PELI2: variants seen among roughly 807,000 people sequenced by gnomAD.
PELI2 encodes pellino E3 ubiquitin protein ligase family member 2.
A neutral mutation model predicts 42.3 loss-of-function variants in PELI2; 23 were observed. The observed-to-expected ratio is 0.54, with a 90% CI of 0.39 to 0.77. The LOEUF (loss-of-function observed/expected upper bound fraction) is 0.77. Among genes scored for constraint, PELI2 ranks in the 30% least tolerant of loss-of-function variants. PELI2 has a pLI of 0.00. For missense variants in PELI2, 463 were observed against 553.2 expected (o/e 0.84, Z 1.64); for synonymous variants, 245 against 212.2 (o/e 1.15, Z -1.34).
At chr14:56,270,118 C>A (rs1448284323) in intron 2 of PELI2, among the ~76,000 whole-genome samples, 3 of 152,174 alleles carry the variant, frequency 2.0e-5, no homozygotes, top group Non-Finnish European at 4.4e-5. Context: ...CAGGGTTTAT[C>A]GAATAGCTCA....
chr14:56,174,548 G>A (rs7156308), intron 1 of PELI2, among the ~76,000 whole-genome samples: 3,280 of 152,256 alleles, frequency 0.022, 107 homozygotes, highest in African/African-American at 0.074. Context: ...CGATTGGATG[G>A]CGGGGTGGGG....
In PELI2 at chr14:56,153,315, C is replaced by T. The variant is rs1025575486; in HGVS notation, c.78-25020C>T. ...ATGATTTTGGCAGTATGAGAGATCCCGATCTATCTCTGAGTTGCCTGTGGT... is the reference window on the plus strand; with the variant it reads ...ATGATTTTGGCAGTATGAGAGATCCTGATCTATCTCTGAGTTGCCTGTGGT... On this transcript the variant is annotated intron_variant, in intron 1 of 5. Coordinates refer to ENST00000267460, the MANE Select transcript of PELI2 (RefSeq NM_021255.3). Among the ~76,000 whole-genome samples, 21 of 152,150 alleles carry T rather than the reference C, an allele frequency of 1.4e-4. No homozygotes were observed. In the Middle Eastern group the frequency reaches 0.01, roughly 74 times the overall value.
chr14:56,142,004 C>T (rs1175294409), intron 1 of PELI2, among the ~76,000 whole-genome samples: 1 of 152,106 alleles, frequency 6.6e-6, no homozygotes, highest in Non-Finnish European at 1.5e-5. Context: ...TCTTTTCCAG[C>T]TCTAGAGAGT....
intron 2 of PELI2, among the ~76,000 whole-genome samples, chr14:56,231,340 C>G (rs1473037174): frequency 1.3e-5 from 2 of 152,148 alleles, no homozygotes; most frequent in African/African-American, 4.8e-5. Context: ...TATTCCAAAA[C>G]TGACCACATA....
At chr14:56,160,341 A>G (rs1279658109) in intron 1 of PELI2, among the ~76,000 whole-genome samples, 1 of 152,166 alleles carries the variant, frequency 6.6e-6, no homozygotes, top group Non-Finnish European at 1.5e-5. Flanking sequence ...GATATGTGCA[A>G]AGTCACATTT....
At chr14:56,178,084 T>C (rs568580458) in intron 1 of PELI2, among the ~76,000 whole-genome samples, 3 of 152,242 alleles carry the variant, frequency 2.0e-5, no homozygotes, top group Non-Finnish European at 4.4e-5. Context: ...CCAAAAAGAT[T>C]TGAAGACTCT....
At chr14:56,130,894 T>TG (rs1439782154) in intron 1 of PELI2, among the ~76,000 whole-genome samples, 1 of 152,214 alleles carries the variant, frequency 6.6e-6, no homozygotes, top group Non-Finnish European at 1.5e-5. Context: ...CATGTACCCT[T>TG]GAAATCTTTC....
At chr14:56,291,855 TAGC>T (rs1187339710) in intron 5 of PELI2, among the ~76,000 whole-genome samples, 1 of 152,224 alleles carries the variant, frequency 6.6e-6, no homozygotes, top group Non-Finnish European at 1.5e-5. Flanking sequence ...GTCACAGAGT[TAGC>T]AGGTGGCAGC....
intron 1 of PELI2, among the ~76,000 whole-genome samples, chr14:56,144,421 A>G (rs976873661): frequency 1.3e-5 from 2 of 152,240 alleles, no homozygotes; most frequent in Non-Finnish European, 2.9e-5. Context: ...CAGGGAAGCC[A>G]GAGTTCTGCT....
chr14:56,207,670 T>A, intron 2 of PELI2, among the ~76,000 whole-genome samples: 1 of 152,204 alleles, frequency 6.6e-6, no homozygotes. Context: ...AAAAGAGGGC[T>A]GGTAAGGGTT....
intron 1 of PELI2, among the ~76,000 whole-genome samples, chr14:56,141,676 A>T (rs553530990): frequency 1.3e-5 from 2 of 152,230 alleles, no homozygotes; most frequent in South Asian, 4.1e-4. Flanking sequence ...AGCAGGGAAA[A>T]TGCCAGATGC....
intron 2 of PELI2, among the ~76,000 whole-genome samples, chr14:56,227,567 T>C (rs566507642): frequency 8.5e-5 from 13 of 152,290 alleles, no homozygotes; most frequent in African/African-American, 3.1e-4. Context: ...GACATAGAAA[T>C]AAGTATAGAT....
chr14:56,254,227 C>T (rs570050233), intron 2 of PELI2, among the ~76,000 whole-genome samples: 10 of 152,190 alleles, frequency 6.6e-5, no homozygotes, highest in South Asian at 4.1e-4. Flanking sequence ...GGTGAAACCC[C>T]GTCTCTACCA....
intron 2 of PELI2, among the ~76,000 whole-genome samples, chr14:56,233,447 A>G (rs1887661176): frequency 6.6e-6 from 1 of 152,144 alleles, no homozygotes; most frequent in Non-Finnish European, 1.5e-5. Flanking sequence ...CAGAAGTAAT[A>G]CCACACATCT....
chr14:56,167,714 G>A (rs1885014194), intron 1 of PELI2, among the ~76,000 whole-genome samples: 1 of 152,144 alleles, frequency 6.6e-6, no homozygotes, highest in Non-Finnish European at 1.5e-5. Context: ...TGTTTTCCTG[G>A]ATCGTGTTGA....
Position 56,118,504 on chromosome 14 carries a change from G to A in PELI2, c.-157G>A, listed in dbSNP as rs1478761586. On this transcript the variant is annotated 5_prime_UTR_variant, in exon 1 of 6. Coordinates refer to ENST00000267460, the MANE Select transcript of PELI2 (RefSeq NM_021255.3). ...GCCGCGCAGCCACGACGGAGCAGCA[G>A]CGGGACTGGCCGCCCCGCGCCCCCT... 1 of 385,738 alleles carries A rather than the reference G, an allele frequency of 2.6e-6. No homozygotes were observed. The allele number at this position is 385,738 out of a possible 1,614,324, so 23.9% of individuals were successfully genotyped here.
At chr14:56,194,622 C>G (rs1306805581) in intron 2 of PELI2, among the ~76,000 whole-genome samples, 2 of 152,094 alleles carry the variant, frequency 1.3e-5, no homozygotes, top group African/African-American at 2.4e-5. Flanking sequence ...AATGTGGAAC[C>G]CTCTCTCCAT....
At chr14:56,150,817 A>G (rs938343438) in intron 1 of PELI2, among the ~76,000 whole-genome samples, 8 of 152,158 alleles carry the variant, frequency 5.3e-5, no homozygotes, top group Non-Finnish European at 1.2e-4. Flanking sequence ...TGCTCCATCC[A>G]CTTGGGACAG....
At chr14:56,212,527 C>A (rs183799762) in intron 2 of PELI2, among the ~76,000 whole-genome samples, 108 of 152,262 alleles carry the variant, frequency 7.1e-4, no homozygotes, top group African/African-American at 2.6e-3. Flanking sequence ...TGGCCCAGCT[C>A]CTGCAGTGGA....
Sources: allele counts gnomAD v4.1 joint callset (sites outside exome capture counted in the v4.1 genomes callset), GRCh38; gene constraint gnomAD v4.1.1; transcripts MANE v1.5; gene names NCBI Gene and HGNC (gene_info 2026-07-23, HGNC 2026-07-21).